KCNMA1: variants seen among roughly 807,000 people sequenced by gnomAD.
The protein encoded by KCNMA1 is potassium calcium-activated channel subfamily M alpha 1, also known as Calcium-activated potassium channel subunit alpha-1.
In KCNMA1, 29 loss-of-function variants were observed where a neutral mutation model predicts 140.0. The ratio of observed to expected loss-of-function variants is 0.21; its 90% CI spans 0.15 to 0.28. The LOEUF (loss-of-function observed/expected upper bound fraction) is 0.28, where lower values mean the gene tolerates loss of function less well. Among genes scored for constraint, KCNMA1 ranks in the 10% least tolerant of loss-of-function variants. The probability of loss-of-function intolerance (pLI) is 1.00; values close to 1 mark genes in which losing one functional copy is unlikely to be tolerated. For synonymous variants in KCNMA1, 612 were observed against 611.9 expected, an observed-to-expected ratio of 1.00 and a Z score of 0.00; for missense variants, 880 against 1,602.2, an observed-to-expected ratio of 0.55 and a Z score of 7.70.
chr10:77,471,647 T>G (rs949563114), intron 1 of KCNMA1, among the ~76,000 whole-genome samples: 1 of 142,682 alleles, frequency 7.0e-6, no homozygotes, highest in Non-Finnish European at 1.5e-5. Flanking sequence ...CCAACACATA[T>G]AGACACATCA....
intron 19 of KCNMA1, chr10:76,972,896 T>C (rs943845655): frequency 6.6e-6 from 1 of 152,228 alleles, no homozygotes; most frequent in Non-Finnish European, 1.5e-5. Flanking sequence ...ATTATCAGCC[T>C]TTATATGGAT....
intron 20 of KCNMA1, among the ~76,000 whole-genome samples, chr10:76,963,070 G>A (rs767769960): frequency 1.3e-4 from 20 of 152,152 alleles, no homozygotes; most frequent in Admixed American, 3.3e-4. Flanking sequence ...CCTGAAGTTC[G>A]CCTGGAGCCA....
chr10:77,019,653 T>C (rs941672168), intron 16 of KCNMA1: 2 of 153,240 alleles, frequency 1.3e-5, no homozygotes, highest in African/African-American at 2.4e-5. Context: ...GATAAGGACA[T>C]GGAAATTGAT....
rs973475719 is a variant in KCNMA1 at position 77,108,585 on chromosome 10, G to A, written c.1132-13C>T. On this transcript the variant is annotated splice_polypyrimidine_tract_variant and intron_variant, in intron 8 of 27. Coordinates refer to ENST00000286628, the MANE Select transcript of KCNMA1 (RefSeq NM_001161352.2). The surrounding 1 kb of genome is among the most constrained non-coding windows in gnomAD (Gnocchi z 4.6). ...TGGCAAACATGGCCTGAGAAGATAG[G>A]AGACAGAAGAGAGACTAAAAAGACA... 1 of 1,597,920 alleles carries A rather than the reference G, an allele frequency of 6.3e-7. No individual in the cohort carries two copies. The highest frequency in any genetic ancestry group is 8.6e-7 in the Non-Finnish European group (1 of 1,166,326).
chr10:76,935,872 T>C (rs2060426128), intron 23 of KCNMA1, among the ~76,000 whole-genome samples: 1 of 152,212 alleles, frequency 6.6e-6, no homozygotes, highest in South Asian at 2.1e-4. Flanking sequence ...TTTTTACTTT[T>C]TCTTCTGCAC....
chr10:77,371,837 C>T (rs1259032752), intron 2 of KCNMA1, among the ~76,000 whole-genome samples: 1 of 152,210 alleles, frequency 6.6e-6, no homozygotes, highest in African/African-American at 2.4e-5. Flanking sequence ...GGGAGCAATT[C>T]CCCTCCTACA....
At chr10:77,387,327 T>C (rs1261631965) in intron 2 of KCNMA1, among the ~76,000 whole-genome samples, 1 of 152,162 alleles carries the variant, frequency 6.6e-6, no homozygotes, top group Non-Finnish European at 1.5e-5. Flanking sequence ...CCTATGCAGC[T>C]GGGGTATCAA....
intron 21 of KCNMA1, chr10:76,951,989 G>A (rs2066435536): frequency 8.5e-6 from 13 of 1,529,088 alleles, no homozygotes; most frequent in Non-Finnish European, 1.2e-5. Context: ...TCCTGGAGAT[G>A]TTTTGTTAAA....
intron 23 of KCNMA1, among the ~76,000 whole-genome samples, chr10:76,922,197 AC>A (rs2152530159): frequency 6.6e-6 from 1 of 152,334 alleles, no homozygotes; most frequent in Admixed American, 6.5e-5. Context: ...TATGCTAGAA[AC>A]ACGAGAGTTT....
downstream of KCNMA1, chr10:76,884,864 A>G (rs965354306): frequency 7.4e-7 from 1 of 1,349,584 alleles, no homozygotes. Context: ...AAATAAACAA[A>G]CCAATAACAG....
At chr10:77,276,005 C>T (rs192769954) in intron 2 of KCNMA1, among the ~76,000 whole-genome samples, 11 of 152,192 alleles carry the variant, frequency 7.2e-5, no homozygotes, top group East Asian at 1.9e-4. Context: ...CTTCCTCAAA[C>T]GGTGTCCCCC....
intron 9 of KCNMA1, among the ~76,000 whole-genome samples, chr10:77,100,440 G>T (rs555854250): frequency 1.3e-5 from 2 of 152,300 alleles, no homozygotes; most frequent in South Asian, 4.1e-4. Context: ...TGTGGTTCTG[G>T]GGGTGACAGC....
At chr10:77,511,618 A>T (rs1450823826) in intron 1 of KCNMA1, among the ~76,000 whole-genome samples, 2 of 152,172 alleles carry the variant, frequency 1.3e-5, no homozygotes, top group African/African-American at 2.4e-5. Flanking sequence ...AGCAAGCAGG[A>T]TGCTTGGGGA....
intron 2 of KCNMA1, among the ~76,000 whole-genome samples, chr10:77,251,595 G>A (rs1461557864): frequency 6.6e-6 from 1 of 152,130 alleles, no homozygotes; most frequent in Non-Finnish European, 1.5e-5. Flanking sequence ...AATTTAGGGT[G>A]ATACAATTTT....
intron 15 of KCNMA1, among the ~76,000 whole-genome samples, chr10:77,033,441 CTCTT>C (rs2153554019): frequency 6.6e-6 from 1 of 152,176 alleles, no homozygotes; most frequent in South Asian, 2.1e-4. Flanking sequence ...TTCTCTCTCT[CTCTT>C]TCACACACAC....
chr10:77,627,051 G>A (rs2154570519), intron 1 of KCNMA1, among the ~76,000 whole-genome samples: 1 of 152,098 alleles, frequency 6.6e-6, no homozygotes, highest in African/African-American at 2.4e-5. Flanking sequence ...TTTCTGTTCA[G>A]CAAAATAGGG....
intron 1 of KCNMA1, among the ~76,000 whole-genome samples, chr10:77,429,475 T>C (rs2097101582): frequency 6.6e-6 from 1 of 152,176 alleles, no homozygotes; most frequent in Non-Finnish European, 1.5e-5. Flanking sequence ...ATCGCCACCA[T>C]TTGAACATCG....
intron 2 of KCNMA1, among the ~76,000 whole-genome samples, chr10:77,351,024 A>G (rs892968303): frequency 3.3e-5 from 5 of 152,240 alleles, no homozygotes; most frequent in African/African-American, 1.2e-4. Flanking sequence ...ATGTCATTTG[A>G]ACAAAGATTC....
At chr10:77,475,281 C>T (rs2098254232) in intron 1 of KCNMA1, among the ~76,000 whole-genome samples, 1 of 152,146 alleles carries the variant, frequency 6.6e-6, no homozygotes, top group African/African-American at 2.4e-5. Flanking sequence ...ATCAGATTCC[C>T]CAAGGGGCAA....
Sources: gnomAD v4.1 joint callset for allele counts (sites outside exome capture counted in the v4.1 genomes callset) on GRCh38, gnomAD v4.1.1 for gene constraint, Gnocchi (gnomAD v3.1) non-coding constraint, MANE v1.5 for transcripts, NCBI Gene and HGNC (gene_info 2026-07-23, HGNC 2026-07-21) for gene names.